The following ANKRD18A variants were observed in gnomAD, a reference collection of about 807,000 sequenced individuals.
The protein encoded by ANKRD18A is ankyrin repeat domain-containing protein 18A.
A neutral mutation model predicts 110.6 loss-of-function variants in ANKRD18A; 72 were observed. The ratio of observed to expected loss-of-function variants is 0.65; its 90% CI spans 0.54 to 0.79. The LOEUF (loss-of-function observed/expected upper bound fraction) is 0.79. Among genes scored for constraint, ANKRD18A ranks in the 30% least tolerant of loss-of-function variants. The probability of loss-of-function intolerance (pLI) is 0.00; values close to 1 mark genes in which losing one functional copy is unlikely to be tolerated. For missense variants in ANKRD18A, 934 were observed against 1,163.3 expected, an observed-to-expected ratio of 0.80 and a Z score of 2.87; for synonymous variants, 305 against 410.3, an observed-to-expected ratio of 0.74 and a Z score of 3.10.
At chr9:38,598,462 G>A (rs559774517) in intron 8 of ANKRD18A, among the ~76,000 whole-genome samples, 129 of 152,266 alleles carry the variant, frequency 8.5e-4, no homozygotes, top group African/African-American at 2.9e-3. Context: ...AGATTTTCTT[G>A]AGTAGAAAAC....
At chr9:38,586,722 T>A (rs1587499693) in intron 11 of ANKRD18A, among the ~76,000 whole-genome samples, 2 of 152,136 alleles carry the variant, frequency 1.3e-5, no homozygotes, top group Middle Eastern at 3.4e-3. Context: ...TGTGCCACCA[T>A]GCCTGGCTAA....
At chr9:38,570,246 G>A (rs1366280637), downstream of ANKRD18A, among the ~76,000 whole-genome samples, 1 of 151,970 alleles carries the variant, frequency 6.6e-6, no homozygotes, top group African/African-American at 2.4e-5. Context: ...CCACTGACTG[G>A]GTTCGCACTG....
intron 3 of ANKRD18A, among the ~76,000 whole-genome samples, chr9:38,615,035 G>A (rs1477490592): frequency 4.6e-5 from 7 of 152,136 alleles, no homozygotes; most frequent in Non-Finnish European, 1.5e-5. Flanking sequence ...GCTGAAGAGC[G>A]CTTTGTCTCA....
In ANKRD18A at chr9:38,571,817, A is replaced by G; in HGVS notation, c.*228T>C. 8.5e-7 allele frequency: 1 copy of G among 1,174,110 alleles called. No homozygotes were observed. Among genetic ancestry groups the G allele is most frequent in the Non-Finnish European group, 1.1e-6 (1 of 944,448 alleles). The allele number at this position is 1,174,110 out of a possible 1,614,324, so 72.7% of individuals were successfully genotyped here. ...GAGGCTAAAAAACATCATTTAAAAT[A>G]ACATATAAATATACACCATATGTGA... On this transcript the variant is annotated 3_prime_UTR_variant, in exon 16 of 16. Coordinates refer to ENST00000399703, the MANE Select transcript of ANKRD18A (RefSeq NM_147195.4).
intron 12 of ANKRD18A, among the ~76,000 whole-genome samples, chr9:38,581,676 A>G (rs1279802222): frequency 6.6e-6 from 1 of 152,178 alleles, no homozygotes; most frequent in Non-Finnish European, 1.5e-5. Flanking sequence ...CCTTTACCTT[A>G]CTTCACGTTT....
rs139705722 is a variant in ANKRD18A at position 38,605,230 on chromosome 9, G to A, written c.809-2018C>T. On this transcript the variant is annotated intron_variant, in intron 6 of 15. Coordinates refer to ENST00000399703, the MANE Select transcript of ANKRD18A (RefSeq NM_147195.4). ...TTTTTTAAATGTATTTTGTAACATT[G>A]GAAAAATGCTTAGTCTGTAACAGAT... Among the ~76,000 whole-genome samples, 960 of 152,144 alleles carry A rather than the reference G, an allele frequency of 6.3e-3. 19 individuals carry two copies. Among genetic ancestry groups the A allele is most frequent in the Admixed American group, 0.036 (547 of 15,304 alleles).
chr9:38,608,959 C>T (rs894213453), intron 5 of ANKRD18A, among the ~76,000 whole-genome samples: 5 of 152,076 alleles, frequency 3.3e-5, no homozygotes, highest in African/African-American at 1.2e-4. Flanking sequence ...CTGTTGAGTA[C>T]AATCCCAACT....
chr9:38,569,169 A>C, downstream of ANKRD18A: 1 of 985,062 alleles, frequency 1.0e-6, no homozygotes, highest in Non-Finnish European at 1.2e-6. Context: ...ACGGAGCGAG[A>C]CTGGGCCTGG....
At chr9:38,587,417 T>G (rs1824434212) in intron 11 of ANKRD18A, among the ~76,000 whole-genome samples, 1 of 152,192 alleles carries the variant, frequency 6.6e-6, no homozygotes, top group South Asian at 2.1e-4. Flanking sequence ...ACATGAATGC[T>G]CATTTTACTC....
chr9:38,608,799 T>G (rs1825474040), intron 5 of ANKRD18A, among the ~76,000 whole-genome samples: 1 of 150,854 alleles, frequency 6.6e-6, no homozygotes, highest in Non-Finnish European at 1.5e-5. Context: ...TGGAAACACA[T>G]TACTTGAGGG....
At chr9:38,585,995 C>T (rs141045686) in intron 12 of ANKRD18A, among the ~76,000 whole-genome samples, 188 bp downstream of exon 12, 5 of 152,128 alleles carry the variant, frequency 3.3e-5, no homozygotes, top group Admixed American at 6.5e-5. Context: ...CAACAAACAC[C>T]GGGGCTTGTT....
chr9:38,607,201 C>T (rs1369598098), intron 6 of ANKRD18A, among the ~76,000 whole-genome samples: 2 of 152,008 alleles, frequency 1.3e-5, no homozygotes, highest in South Asian at 2.1e-4. Context: ...GGATTACAGG[C>T]GCCCGCCATG....
At chr9:38,605,541 T>C (rs1318214198) in intron 6 of ANKRD18A, among the ~76,000 whole-genome samples, 1 of 152,206 alleles carries the variant, frequency 6.6e-6, no homozygotes, top group Non-Finnish European at 1.5e-5. Flanking sequence ...ATTTTTATAA[T>C]TTTATTATAA....
At chr9:38,575,106 A>C (rs1358989196) in intron 15 of ANKRD18A, among the ~76,000 whole-genome samples, 2 of 152,188 alleles carry the variant, frequency 1.3e-5, no homozygotes, top group African/African-American at 4.8e-5. Context: ...AAAAAAAAAA[A>C]AAGTGATATG....
intron 3 of ANKRD18A, among the ~76,000 whole-genome samples, chr9:38,614,168 T>C (rs1825755506): frequency 6.6e-6 from 1 of 151,270 alleles, no homozygotes; most frequent in African/African-American, 2.4e-5. Flanking sequence ...ATTTATATCC[T>C]GCACTTATCT....
At chr9:38,566,515 T>C (rs1467241544), downstream of ANKRD18A, 3 of 152,222 alleles carry the variant, frequency 2.0e-5, no homozygotes, top group African/African-American at 7.2e-5. Context: ...CCAAACCTTC[T>C]CATCTGTCTT....
chr9:38,575,979 A>G (rs969022910), intron 14 of ANKRD18A, among the ~76,000 whole-genome samples: 5 of 152,212 alleles, frequency 3.3e-5, no homozygotes, highest in African/African-American at 1.2e-4. Context: ...TCAACAGGTA[A>G]CCTAGCTGCC....
intron 12 of ANKRD18A, among the ~76,000 whole-genome samples, chr9:38,579,912 G>C (rs1212349600): frequency 6.6e-6 from 1 of 152,196 alleles, no homozygotes; most frequent in African/African-American, 2.4e-5. Flanking sequence ...AACAGCTAAT[G>C]TATAAAATCA....
At chr9:38,605,562 C>T (rs998028118) in intron 6 of ANKRD18A, among the ~76,000 whole-genome samples, 6 of 151,954 alleles carry the variant, frequency 3.9e-5, no homozygotes, top group Non-Finnish European at 8.8e-5. Flanking sequence ...TTTTTGGAGC[C>T]TAGAGTTTGG....
Sources: allele counts gnomAD v4.1 joint callset (sites outside exome capture counted in the v4.1 genomes callset), GRCh38; gene constraint gnomAD v4.1.1; transcripts MANE v1.5; gene names NCBI Gene and HGNC (gene_info 2026-07-23, HGNC 2026-07-21).